The following SEMA3A variants were observed in gnomAD, a reference collection of about 807,000 sequenced individuals.
SEMA3A encodes the protein semaphorin 3A.
In SEMA3A, 29 loss-of-function variants were observed where a neutral mutation model predicts 97.9. The observed-to-expected ratio is 0.30, with a 90% CI of 0.22 to 0.40. The LOEUF is 0.40. SEMA3A is among the 10% of genes least tolerant of loss of function. The pLI, the probability that SEMA3A is intolerant of heterozygous loss-of-function variation, is 1.00. For synonymous variants in SEMA3A, 321 were observed against 323.7 expected (o/e 0.99, Z 0.09); for missense variants, 763 against 951.3 (o/e 0.80, Z 2.60).
intron 4 of SEMA3A, among the ~76,000 whole-genome samples, chr7:84,091,172 GAA>G (rs1212456644): frequency 2.7e-5 from 1 of 36,566 alleles, no homozygotes; most frequent in Non-Finnish European, 6.1e-5. Context: ...AGGAAGGAAA[GAA>G]AGAAAGAAAG....
chr7:84,301,244 C>T lies in SEMA3A; in HGVS notation c.-83+5963G>A, dbSNP rs147588905. ...AAAATAAGAAGAAAAACATATTGTA[C>T]TTCATCAATAATAAAATTTTTGCTT... On this transcript the variant is annotated intron_variant, in intron 3 of 3. Transcript: ENST00000424555. 3.3e-5 allele frequency among the ~76,000 whole-genome samples: 5 copies of T among 152,020 alleles called. No homozygotes were observed. The East Asian group carries it at 5.8e-4, about 18-fold the overall frequency.
intron 3 of SEMA3A, among the ~76,000 whole-genome samples, chr7:84,123,184 C>G (rs1391587425): frequency 6.6e-6 from 1 of 152,038 alleles, no homozygotes; most frequent in Non-Finnish European, 1.5e-5. Flanking sequence ...CTTTCATTTG[C>G]AAAACAGGGT....
At chr7:83,996,823 A>C (rs1268469607) in intron 12 of SEMA3A, among the ~76,000 whole-genome samples, 2 of 152,146 alleles carry the variant, frequency 1.3e-5, no homozygotes, top group East Asian at 3.9e-4. Flanking sequence ...TTTTATAGCA[A>C]ATCAAAGACA....
intron 1 of SEMA3A, among the ~76,000 whole-genome samples, chr7:84,440,605 G>T (rs1368864040): frequency 3.9e-5 from 6 of 152,054 alleles, no homozygotes; most frequent in African/African-American, 9.7e-5. Flanking sequence ...CATATTCATG[G>T]GATAATGGAA....
intron 4 of SEMA3A, among the ~76,000 whole-genome samples, chr7:84,089,256 A>G (rs1222149436): frequency 6.6e-6 from 1 of 152,174 alleles, no homozygotes; most frequent in Non-Finnish European, 1.5e-5. Context: ...GCAGGAGAAT[A>G]TATGCTGTTG....
rs1260896892 is a variant in SEMA3A, at chr7:84,066,982, G to C, written c.454-6424C>G. ...TCGCCAAGTCAATCCTAAGCCAAAA[G>C]AACAAAGCTGGAGGCATCACACTAC... On this transcript the variant is annotated intron_variant, in intron 4 of 16. Coordinates refer to ENST00000265362, the MANE Select transcript of SEMA3A (RefSeq NM_006080.3). Among the ~76,000 whole-genome samples, 6 of 152,104 alleles carry C rather than the reference G, an allele frequency of 3.9e-5. No individual in the cohort carries two copies. The South Asian group carries it at 1.2e-3, about 32-fold the overall frequency.
chr7:84,212,414 C>T (rs1031632456), intron 3 of SEMA3A, among the ~76,000 whole-genome samples: 3 of 152,076 alleles, frequency 2.0e-5, no homozygotes, highest in African/African-American at 7.2e-5. Flanking sequence ...TCTCCATTTC[C>T]CCAACAAGTG....
At chr7:84,006,299 ATAAAC>A (rs1054767071) in intron 10 of SEMA3A, among the ~76,000 whole-genome samples, 1 of 152,186 alleles carries the variant, frequency 6.6e-6, no homozygotes, top group Non-Finnish European at 1.5e-5. Context: ...GAAAAACAAT[ATAAAC>A]TATTCTTTAT....
intron 1 of SEMA3A, among the ~76,000 whole-genome samples, chr7:84,490,581 AGTT>A (rs946754612): frequency 9.2e-5 from 14 of 152,126 alleles, no homozygotes; most frequent in Non-Finnish European, 5.9e-5. Flanking sequence ...TTTTTCACTT[AGTT>A]GTTATTTCTT....
intron 3 of SEMA3A, among the ~76,000 whole-genome samples, chr7:84,248,906 C>T (rs1562870910): frequency 6.6e-6 from 1 of 152,176 alleles, no homozygotes; most frequent in Non-Finnish European, 1.5e-5. Flanking sequence ...TCCTCAGAGA[C>T]TGCATCTTCC....
chr7:84,326,810 A>G (rs1423963426), intron 2 of SEMA3A, among the ~76,000 whole-genome samples: 1 of 152,068 alleles, frequency 6.6e-6, no homozygotes, highest in Non-Finnish European at 1.5e-5. Flanking sequence ...CATCATATAC[A>G]AAAATTAACT....
chr7:84,196,749 G>A (rs1286387811), upstream of SEMA3A, among the ~76,000 whole-genome samples: 3 of 152,014 alleles, frequency 2.0e-5, no homozygotes, highest in Non-Finnish European at 4.4e-5. Context: ...ATGTCGCTTT[G>A]GGATTATTTC....
chr7:83,992,526 T>C (rs1432389786), intron 12 of SEMA3A, among the ~76,000 whole-genome samples: 1 of 152,014 alleles, frequency 6.6e-6, no homozygotes, highest in Non-Finnish European at 1.5e-5. Flanking sequence ...GTGTCTTTGT[T>C]GTTGTTGGTT....
chr7:83,971,086 A>C (rs906082345), intron 15 of SEMA3A, among the ~76,000 whole-genome samples: 5 of 152,192 alleles, frequency 3.3e-5, no homozygotes, highest in African/African-American at 9.6e-5. Flanking sequence ...AAACAAAAAA[A>C]TTCATTCATT....
intron 3 of SEMA3A, among the ~76,000 whole-genome samples, chr7:84,228,763 C>A (rs576091094): frequency 1.3e-5 from 2 of 152,222 alleles, no homozygotes; most frequent in South Asian, 2.1e-4. Flanking sequence ...TGCAGGATTT[C>A]ATGGGCTGAC....
chr7:84,045,352 C>T (rs1176053568), intron 6 of SEMA3A, among the ~76,000 whole-genome samples: 1 of 151,642 alleles, frequency 6.6e-6, no homozygotes. Context: ...GAGTTATATA[C>T]AAGCAGGAAA....
chr7:84,212,886 G>C (rs1231687073), intron 3 of SEMA3A, among the ~76,000 whole-genome samples: 1 of 152,076 alleles, frequency 6.6e-6, no homozygotes, highest in African/African-American at 2.4e-5. Context: ...TTAAAAATAA[G>C]TAGTACATAA....
At chr7:84,300,536 T>C (rs919548307) in intron 3 of SEMA3A, among the ~76,000 whole-genome samples, 1 of 152,108 alleles carries the variant, frequency 6.6e-6, no homozygotes, top group African/African-American at 2.4e-5. Context: ...GTACTACACA[T>C]ATGGCTTAAA....
chr7:84,073,043 C>T (rs1793801756), intron 4 of SEMA3A, among the ~76,000 whole-genome samples: 1 of 151,574 alleles, frequency 6.6e-6, no homozygotes, highest in Non-Finnish European at 1.5e-5. Flanking sequence ...ATATTATTTA[C>T]ACTAAACACA....
Sources: allele counts gnomAD v4.1 joint callset (sites outside exome capture counted in the v4.1 genomes callset), GRCh38; gene constraint gnomAD v4.1.1; transcripts MANE v1.5; gene names NCBI Gene and HGNC (gene_info 2026-07-23, HGNC 2026-07-21).